MPP7: variants seen among roughly 807,000 people sequenced by gnomAD.
The protein encoded by MPP7 is MAGUK p55 subfamily member 7.
MPP7 carries 60 observed loss-of-function variants against 76.5 expected under a neutral mutation model. The ratio of observed to expected loss-of-function variants is 0.78; its 90% CI spans 0.64 to 0.97. The LOEUF is 0.97. MPP7 is among the 50% of genes least tolerant of loss of function. The pLI is 0.00. For missense variants in MPP7, 641 were observed against 694.0 expected (o/e 0.92, Z 0.86); for synonymous variants, 237 against 244.5 (o/e 0.97, Z 0.29).
intron 3 of MPP7, among the ~76,000 whole-genome samples, chr10:28,193,412 C>A (rs1361379559): frequency 6.6e-6 from 1 of 152,062 alleles, no homozygotes; most frequent in Non-Finnish European, 1.5e-5. Context: ...CGGGGTTTCA[C>A]CATGTTAGCC....
At chr10:28,102,791 A>T (rs1418306671) in intron 11 of MPP7, among the ~76,000 whole-genome samples, 1 of 152,190 alleles carries the variant, frequency 6.6e-6, no homozygotes, top group African/African-American at 2.4e-5. Flanking sequence ...CACAGATAAT[A>T]TCTGCTTCCA....
At chr10:28,106,511 A>C (rs1014955378) in intron 11 of MPP7, among the ~76,000 whole-genome samples, 1 of 152,240 alleles carries the variant, frequency 6.6e-6, no homozygotes, top group Admixed American at 6.5e-5. Flanking sequence ...TATGGGAATA[A>C]GAAGTCATAA....
chr10:28,199,188 C>T (rs1837688834), intron 3 of MPP7, among the ~76,000 whole-genome samples: 1 of 152,016 alleles, frequency 6.6e-6, no homozygotes, highest in Admixed American at 6.6e-5. Flanking sequence ...CCCCACGATT[C>T]GATTATCTCC....
chr10:28,104,004 G>A (rs1853958002), intron 11 of MPP7, among the ~76,000 whole-genome samples: 1 of 151,196 alleles, frequency 6.6e-6, no homozygotes, highest in African/African-American at 2.4e-5. Flanking sequence ...AATTTCATCT[G>A]CTTCAACCAA....
chr10:28,242,399 A>G (rs1839300308), intron 1 of MPP7, among the ~76,000 whole-genome samples: 1 of 152,226 alleles, frequency 6.6e-6, no homozygotes, highest in Non-Finnish European at 1.5e-5. Flanking sequence ...TCAATCTGAA[A>G]GACTCATTAG....
intron 12 of MPP7, among the ~76,000 whole-genome samples, chr10:28,080,235 T>C (rs950363654): frequency 7.2e-5 from 11 of 152,326 alleles, no homozygotes; most frequent in African/African-American, 1.7e-4. Flanking sequence ...TCTACGCTTA[T>C]ATAGACTGAC....
At chr10:28,270,916 C>G (rs936530926) in intron 1 of MPP7, among the ~76,000 whole-genome samples, 3 of 152,110 alleles carry the variant, frequency 2.0e-5, no homozygotes, top group Admixed American at 1.3e-4. Context: ...GGGACTGCCC[C>G]AGCCATTTGT....
chr10:28,319,635 C>A (rs1834348643), intron 2 of MPP7, among the ~76,000 whole-genome samples: 1 of 152,028 alleles, frequency 6.6e-6, no homozygotes, highest in Non-Finnish European at 1.5e-5. Context: ...AAATTCAGGA[C>A]ATAAATTCTG....
intron 1 of MPP7, among the ~76,000 whole-genome samples, chr10:28,279,499 C>T (rs914281689): frequency 1.3e-5 from 2 of 151,776 alleles, no homozygotes; most frequent in East Asian, 1.9e-4. Context: ...GAGGCCGAGG[C>T]GGGTGGATCA....
chr10:28,291,025 A>G (rs1266637207), intron 1 of MPP7, among the ~76,000 whole-genome samples: 2 of 152,172 alleles, frequency 1.3e-5, no homozygotes, highest in Non-Finnish European at 1.5e-5. Flanking sequence ...TTGCCACCAT[A>G]TATTAACAAT....
chr10:28,298,545 C>T (rs114435487), intron 1 of MPP7, among the ~76,000 whole-genome samples: 2,656 of 152,256 alleles, frequency 0.017, 76 homozygotes, highest in African/African-American at 0.06. Flanking sequence ...CAGGCTTTGT[C>T]GCTCCATTTA....
intron 1 of MPP7, among the ~76,000 whole-genome samples, chr10:28,295,482 A>G (rs1324058073): frequency 3.3e-5 from 5 of 152,242 alleles, no homozygotes; most frequent in Non-Finnish European, 7.3e-5. Context: ...ATCTTGGGCC[A>G]TAACTCCAAA....
chr10:28,222,629 G>A (rs891293554), intron 2 of MPP7, among the ~76,000 whole-genome samples: 2 of 152,020 alleles, frequency 1.3e-5, no homozygotes, highest in African/African-American at 2.4e-5. Flanking sequence ...CGAGGCAGGC[G>A]GTCACGAGGT....
At chr10:28,140,483 C>A (rs1835480893) in intron 5 of MPP7, among the ~76,000 whole-genome samples, 1 of 151,714 alleles carries the variant, frequency 6.6e-6, no homozygotes, top group East Asian at 1.9e-4. Flanking sequence ...TGTACGTCAG[C>A]CTGGGCGACA....
chr10:28,244,804 C>T (rs558036805), intron 1 of MPP7, among the ~76,000 whole-genome samples: 124 of 152,194 alleles, frequency 8.1e-4, no homozygotes, highest in African/African-American at 2.9e-3. Context: ...ACCACAAGAC[C>T]CTTAGGGACT....
At chr10:28,281,546 G>A (rs1840671981) in intron 1 of MPP7, among the ~76,000 whole-genome samples, 1 of 152,046 alleles carries the variant, frequency 6.6e-6, no homozygotes, top group Admixed American at 6.5e-5. Context: ...GACAATATCA[G>A]GTTATTGACC....
intron 14 of MPP7, 137 bp from the exon 15 acceptor site, chr10:28,058,740 C>G (rs1248332868): frequency 4.7e-6 from 2 of 427,264 alleles, no homozygotes; most frequent in African/African-American, 4.1e-5. Flanking sequence ...TAAACAGAGC[C>G]AAGTATTTCA....
Position 28,238,548 on chromosome 10 carries a change from C to T in MPP7, c.37+20G>A. 2 of 1,613,148 alleles carry T rather than the reference C, an allele frequency of 1.2e-6. No homozygotes were observed. Among genetic ancestry groups the T allele is most frequent in the Non-Finnish European group, 1.7e-6 (2 of 1,179,142 alleles). On this transcript the variant is annotated intron_variant, in intron 2 of 16. Transcript: ENST00000683449. ...TTAAGCAAAGATGGAATGAGAACTGCCCCTCTTGGGGTCACATACCAGTGT... is the reference window on the plus strand; with the variant it reads ...TTAAGCAAAGATGGAATGAGAACTGTCCCTCTTGGGGTCACATACCAGTGT...
rs1345296837 is a variant in MPP7 at position 28,089,826 on chromosome 10, C to T, written c.968G>A (p.Ser323Asn). The change falls in exon 12 of 17, where the codon AGT (serine) becomes AAT (asparagine). Residue 323 changes from serine to asparagine, a missense_variant. By Grantham distance (46) the Ser-to-Asn change is conservative. Transcript: ENST00000683449. ...SNRKSSGFRK[S>N]FRLSRKDKKT... ...CTTATCTTTTCTACTAAGACGAAAA[C>T]TTTTTCTAAAACCAGCTGCAAATAT... 6.5e-7 allele frequency: 1 copy of T among 1,538,958 alleles called. No homozygotes were observed. The highest frequency in any genetic ancestry group is 8.9e-7 in the Non-Finnish European group (1 of 1,120,166).
Sources: gnomAD v4.1 joint callset for allele counts (sites outside exome capture counted in the v4.1 genomes callset) on GRCh38, gnomAD v4.1.1 for gene constraint, MANE v1.5 for transcripts, NCBI Gene and HGNC (gene_info 2026-07-23, HGNC 2026-07-21) for gene names.